ILDR1: variants seen among roughly 807,000 people sequenced by gnomAD.
ILDR1 encodes the protein immunoglobulin-like domain-containing receptor 1.
A neutral mutation model predicts 62.4 loss-of-function variants in ILDR1; 56 were observed. The observed-to-expected ratio is 0.90, with a 90% CI of 0.72 to 1.12. The LOEUF (loss-of-function observed/expected upper bound fraction) is 1.12, where lower values mean the gene tolerates loss of function less well. Ranked by LOEUF, ILDR1 falls within the 50% of genes most tolerant of loss-of-function variation. ILDR1 has a pLI of 0.00. For missense variants in ILDR1, 736 were observed against 710.6 expected (o/e 1.04, Z -0.41); for synonymous variants, 284 against 277.8 (o/e 1.02, Z -0.22).
chr3:122,038,189 C>T, the ILDR1 span, among the ~76,000 whole-genome samples: 1 of 152,104 alleles, frequency 6.6e-6, no homozygotes, highest in African/African-American at 2.4e-5. Flanking sequence ...AGAACTTTCC[C>T]CCACCATCAT....
chr3:122,007,825 A>G (rs1406893328), intron 1 of ILDR1, among the ~76,000 whole-genome samples: 2 of 152,180 alleles, frequency 1.3e-5, no homozygotes, highest in African/African-American at 2.4e-5. Flanking sequence ...TGTCTACCCC[A>G]TAGACAGGGT....
chr3:121,988,433 CA>C (rs757069196), intron 7 of ILDR1, 25 bp from the exon 8 acceptor site: 76 of 1,600,552 alleles, frequency 4.7e-5, no homozygotes, highest in Non-Finnish European at 5.6e-5. Context: ...AATACACACA[CA>C]AAAAAAATCC....
At chr3:122,054,794 A>G in the ILDR1 span, among the ~76,000 whole-genome samples, 1 of 152,116 alleles carries the variant, frequency 6.6e-6, no homozygotes, top group African/African-American at 2.4e-5. Flanking sequence ...TAATTTTATA[A>G]TGCTGCCTTT....
chr3:122,057,162 A>T, the ILDR1 span, among the ~76,000 whole-genome samples: 1 of 152,240 alleles, frequency 6.6e-6, no homozygotes, highest in Admixed American at 6.5e-5. Context: ...ACTAGTGGTG[A>T]TATCATCTTT....
chr3:122,005,856 G>A (rs563139043), intron 2 of ILDR1, among the ~76,000 whole-genome samples: 12 of 151,898 alleles, frequency 7.9e-5, no homozygotes, highest in Non-Finnish European at 1.5e-4. Flanking sequence ...TTGAGATCAC[G>A]CCATTGCACT....
the ILDR1 span, among the ~76,000 whole-genome samples, chr3:122,058,685 G>C: frequency 6.6e-6 from 1 of 152,050 alleles, no homozygotes; most frequent in African/African-American, 2.4e-5. Flanking sequence ...CAGGCATCCA[G>C]CTATGATCAT....
At chr3:121,998,950 G>A (rs769956221) in intron 5 of ILDR1, among the ~76,000 whole-genome samples, 3 of 146,216 alleles carry the variant, frequency 2.1e-5, no homozygotes, top group Non-Finnish European at 3.0e-5. Flanking sequence ...CTAGCTGTGG[G>A]GCTTTTCTGA....
chr3:122,006,858 C>A (rs1010291756), intron 2 of ILDR1, 133 bp downstream of exon 2: 59 of 917,384 alleles, frequency 6.4e-5, no homozygotes, highest in Non-Finnish European at 9.5e-5. Context: ...AACAGAGGAA[C>A]TACATTAGGT....
intron 1 of ILDR1, among the ~76,000 whole-genome samples, chr3:122,020,080 T>A (rs761455929): frequency 6.6e-6 from 1 of 152,204 alleles, no homozygotes; most frequent in African/African-American, 2.4e-5. Flanking sequence ...AATCACCTGT[T>A]ACTATAGCTC....
At chr3:122,021,358 C>T (rs1030484279) in intron 1 of ILDR1, among the ~76,000 whole-genome samples, 2 of 152,164 alleles carry the variant, frequency 1.3e-5, no homozygotes, top group Non-Finnish European at 2.9e-5. Flanking sequence ...AGGACACACA[C>T]AGAGATACAC....
chr3:122,020,185 A>G (rs2071835459), intron 1 of ILDR1, among the ~76,000 whole-genome samples: 1 of 152,206 alleles, frequency 6.6e-6, no homozygotes, highest in African/African-American at 2.4e-5. Context: ...CCTGACTACT[A>G]TTATCACCCT....
At chr3:122,006,489 T>TGG (rs557264001) in intron 2 of ILDR1, among the ~76,000 whole-genome samples, 1 of 151,982 alleles carries the variant, frequency 6.6e-6, no homozygotes, top group African/African-American at 2.4e-5. Flanking sequence ...AAGGGCTGCC[T>TGG]GGGGGGGCAC....
the ILDR1 span, among the ~76,000 whole-genome samples, chr3:122,056,287 C>T: frequency 0.088 from 13,364 of 152,148 alleles, 603 homozygotes; most frequent in East Asian, 0.11. Flanking sequence ...CACACCCGCC[C>T]TTCTCTTGGG....
chr3:122,023,312 T>C (rs1018773854), upstream of ILDR1, among the ~76,000 whole-genome samples: 1 of 152,168 alleles, frequency 6.6e-6, no homozygotes, highest in Non-Finnish European at 1.5e-5. Flanking sequence ...GCAAAGACTT[T>C]AGGTCTCTTT....
chr3:122,005,212 C>CCCCCTT, intron 3 of ILDR1, 32 bp downstream of exon 3: 1 of 1,257,358 alleles, frequency 8.0e-7, no homozygotes. Flanking sequence ...TCCCCCCACC[C>CCCCCTT]CCAGTTCCCC....
At chr3:121,989,346 A>T (rs535773744) in intron 7 of ILDR1, among the ~76,000 whole-genome samples, 1 of 152,352 alleles carries the variant, frequency 6.6e-6, no homozygotes, top group East Asian at 1.9e-4. Context: ...CAAGGAGTAG[A>T]CATTTTGTTG....
the ILDR1 span, among the ~76,000 whole-genome samples, chr3:122,041,762 T>C: frequency 1.3e-5 from 2 of 152,106 alleles, no homozygotes; most frequent in African/African-American, 2.4e-5. Context: ...ATTTCGTATC[T>C]TGCAACTTTA....
intron 5 of ILDR1, among the ~76,000 whole-genome samples, chr3:121,996,575 G>A (rs533988195): frequency 6.6e-6 from 1 of 152,252 alleles, no homozygotes; most frequent in East Asian, 1.9e-4. Context: ...ATAAAAGTAG[G>A]AAACCTGGAT....
chr3:122,037,708 G>A, the ILDR1 span, among the ~76,000 whole-genome samples: 1,400 of 152,282 alleles, frequency 9.2e-3, 28 homozygotes, highest in East Asian at 0.099. Flanking sequence ...AGGGATAATT[G>A]TATTTTGCAA....
Sources: allele counts gnomAD v4.1 joint callset (sites outside exome capture counted in the v4.1 genomes callset), GRCh38; gene constraint gnomAD v4.1.1; transcripts MANE v1.5; gene names NCBI Gene and HGNC (gene_info 2026-07-23, HGNC 2026-07-21).